GRID1: variants seen among roughly 807,000 people sequenced by gnomAD.
GRID1 encodes glutamate receptor ionotropic, delta-1.
GRID1 carries 28 observed loss-of-function variants against 98.0 expected under a neutral mutation model. The observed-to-expected ratio is 0.29, with a 90% confidence interval of 0.21 to 0.39. The LOEUF (loss-of-function observed/expected upper bound fraction) is 0.39. Among genes scored for constraint, GRID1 ranks in the 10% least tolerant of loss-of-function variants. The probability of loss-of-function intolerance (pLI) is 1.00; values close to 1 mark genes in which losing one functional copy is unlikely to be tolerated. For synonymous variants in GRID1, 553 were observed against 538.5 expected, an observed-to-expected ratio of 1.03 and a Z score of -0.37; for missense variants, 1,111 against 1,340.5, an observed-to-expected ratio of 0.83 and a Z score of 2.67.
At chr10:85,847,937 T>C (rs180844371) in intron 8 of GRID1, among the ~76,000 whole-genome samples, 41 of 152,304 alleles carry the variant, frequency 2.7e-4, no homozygotes, top group African/African-American at 9.4e-4. Context: ...CACAAATAAC[T>C]ATCAATTCCT....
At chr10:85,996,524 A>G (rs1016494370) in intron 4 of GRID1, among the ~76,000 whole-genome samples, 2 of 152,236 alleles carry the variant, frequency 1.3e-5, no homozygotes, top group Admixed American at 6.5e-5. Context: ...ACACATCAAT[A>G]GTAATGATTC....
At chr10:86,090,985 A>G (rs1244172716) in intron 4 of GRID1, among the ~76,000 whole-genome samples, 1 of 152,180 alleles carries the variant, frequency 6.6e-6, no homozygotes, top group East Asian at 1.9e-4. Flanking sequence ...AGGCCCTGGG[A>G]GCTCACTGGG....
chr10:85,656,150 C>T (rs1840892877), intron 12 of GRID1, among the ~76,000 whole-genome samples: 2 of 152,176 alleles, frequency 1.3e-5, no homozygotes, highest in South Asian at 4.1e-4. Context: ...AAACAACTTT[C>T]ATCAAGGTCA....
In GRID1 at chr10:85,708,124, A is replaced by C. The variant is rs566926835; in HGVS notation, c.1997+14879T>G. Among the ~76,000 whole-genome samples the C allele has an allele frequency of 1.8e-4, 23 of 127,976 alleles. No individual in the cohort carries two copies. The South Asian group carries it at 4.8e-3, about 27-fold the overall frequency. 84.0% of individuals were successfully genotyped at this position (127,976 alleles called of 152,430 possible). The stretch of plus-strand genomic sequence containing the variant: ...AACTTAAAGTATAATAAAAAAAAAA[A>C]AAAAAAACACAAGATTAGCCTATAA... On this transcript the variant is annotated intron_variant, in intron 12 of 15. Coordinates refer to ENST00000327946, the MANE Select transcript of GRID1 (RefSeq NM_017551.3).
chr10:85,684,258 T>C (rs1006613871), intron 12 of GRID1, among the ~76,000 whole-genome samples: 5 of 152,116 alleles, frequency 3.3e-5, no homozygotes, highest in Non-Finnish European at 7.4e-5. Flanking sequence ...CCTAAAACAA[T>C]GTATACCACT....
intron 2 of GRID1, among the ~76,000 whole-genome samples, chr10:86,263,928 A>G (rs1456380074): frequency 6.6e-6 from 1 of 152,156 alleles, no homozygotes; most frequent in Admixed American, 6.5e-5. Context: ...TATTTGGCTC[A>G]CATTTTGCAG....
chr10:85,677,992 T>G (rs547726076), intron 12 of GRID1, among the ~76,000 whole-genome samples: 1 of 152,242 alleles, frequency 6.6e-6, no homozygotes, highest in Admixed American at 6.5e-5. Flanking sequence ...GGGATTTAAC[T>G]GGCACATGTA....
chr10:85,946,048 A>G (rs1176264528), intron 4 of GRID1, among the ~76,000 whole-genome samples: 1 of 152,226 alleles, frequency 6.6e-6, no homozygotes. Context: ...CATTCAATTG[A>G]CATTATCTCA....
chr10:85,869,018 T>C lies in GRID1; in HGVS notation c.943A>G (p.Met315Val). ...LCDPQEGYLQMLQISNLYLYD... is the reference protein window; with the variant it reads ...LCDPQEGYLQVLQISNLYLYD... ...AGAGGCTGAGCACTGACCTGCAGCA[T>C]CTGGAGGTAGCCTTCCTGGGGGTCG... Residue 315 changes from methionine (M) to valine (V), a missense_variant, in exon 6 of 16, where the codon ATG becomes GTG. By Grantham distance (21) the Met-to-Val change is conservative (BLOSUM62 1). Transcript: ENST00000327946. The C allele has an allele frequency of 6.2e-7, 1 of 1,613,292 alleles. No homozygotes were observed. The highest frequency in any genetic ancestry group is 1.1e-5 in the South Asian group (1 of 91,040).
intron 3 of GRID1, among the ~76,000 whole-genome samples, chr10:86,197,957 A>G (rs1311258770): frequency 6.6e-6 from 1 of 152,086 alleles, no homozygotes; most frequent in East Asian, 1.9e-4. Flanking sequence ...TTTTGTCTGG[A>G]AAAAGTATGT....
intron 14 of GRID1, among the ~76,000 whole-genome samples, chr10:85,617,235 C>CG (rs1473064650): frequency 7.1e-6 from 1 of 141,410 alleles, no homozygotes; most frequent in Admixed American, 7.0e-5. Flanking sequence ...GCCCCCCCCC[C>CG]CTTTTATTTT....
At chr10:85,826,944 G>A (rs1842825613) in intron 8 of GRID1, among the ~76,000 whole-genome samples, 1 of 152,008 alleles carries the variant, frequency 6.6e-6, no homozygotes, top group South Asian at 2.1e-4. Context: ...AAACCCCCAA[G>A]GGCATCAAAG....
chr10:85,813,574 C>T (rs1424777769), intron 8 of GRID1, among the ~76,000 whole-genome samples: 2 of 151,520 alleles, frequency 1.3e-5, no homozygotes, highest in African/African-American at 4.8e-5. Context: ...AGAAGTTTTA[C>T]AGCAGGCCTA....
intron 4 of GRID1, among the ~76,000 whole-genome samples, chr10:86,046,752 A>T (rs1843429529): frequency 6.6e-6 from 1 of 152,074 alleles, no homozygotes; most frequent in African/African-American, 2.4e-5. Context: ...TCATCTCTGG[A>T]CAATTATCCC....
intron 5 of GRID1, among the ~76,000 whole-genome samples, chr10:85,886,146 C>T (rs926201819): frequency 1.3e-5 from 2 of 152,198 alleles, no homozygotes; most frequent in Admixed American, 6.5e-5. Context: ...GTTGTTGAGA[C>T]ATAAGGGGGT....
At chr10:85,703,734 TA>T (rs1841480959) in intron 12 of GRID1, among the ~76,000 whole-genome samples, 2 of 152,172 alleles carry the variant, frequency 1.3e-5, no homozygotes, top group East Asian at 1.9e-4. Flanking sequence ...CTAAACACCA[TA>T]AAAAATTTGA....
In GRID1 at chr10:85,665,794, C is replaced by T. The variant is rs75430208; in HGVS notation, c.1998-18397G>A. Among the ~76,000 whole-genome samples the T allele has an allele frequency of 4.3e-3, 647 of 152,212 alleles. 4 individuals are homozygous for T. Among genetic ancestry groups the T allele is most frequent in the African/African-American group, 0.015 (613 of 41,526 alleles). ...CAACCTAATTTTGTCACCCAGCACACGGGAGTGTATTAATTAAAGTGACAC... is the reference window on the plus strand; with the variant it reads ...CAACCTAATTTTGTCACCCAGCACATGGGAGTGTATTAATTAAAGTGACAC... On this transcript the variant is annotated intron_variant, in intron 12 of 15. Coordinates refer to ENST00000327946, the MANE Select transcript of GRID1 (RefSeq NM_017551.3).
intron 4 of GRID1, among the ~76,000 whole-genome samples, chr10:86,115,059 CAGG>C (rs1435149441): frequency 1.3e-5 from 2 of 152,228 alleles, no homozygotes; most frequent in African/African-American, 4.8e-5. Flanking sequence ...GAGGAGCAGG[CAGG>C]AGAAGCAAGA....
chr10:86,110,315 C>T (rs895955161), intron 4 of GRID1, among the ~76,000 whole-genome samples: 1 of 152,172 alleles, frequency 6.6e-6, no homozygotes, highest in Non-Finnish European at 1.5e-5. Context: ...ATCCCAGGTC[C>T]ACTTCTCTCC....
Sources: allele counts gnomAD v4.1 joint callset (sites outside exome capture counted in the v4.1 genomes callset), GRCh38; gene constraint gnomAD v4.1.1; transcripts MANE v1.5; gene names NCBI Gene and HGNC (gene_info 2026-07-23, HGNC 2026-07-21).